The following PARD3 variants were observed in gnomAD, a reference collection of about 807,000 sequenced individuals.
PARD3 encodes par-3 family cell polarity regulator.
Under a neutral mutation model 155.4 loss-of-function variants are expected in PARD3, and 75 were observed. The ratio of observed to expected loss-of-function variants is 0.48; its 90% CI spans 0.40 to 0.58. PARD3 has a LOEUF of 0.58. Ranked by LOEUF, PARD3 falls within the 20% of genes least tolerant of loss-of-function variation. The pLI is 0.00. For synonymous variants in PARD3, 576 were observed against 610.5 expected (o/e 0.94, Z 0.83); for missense variants, 1,642 against 1,721.7 (o/e 0.95, Z 0.82).
chr10:34,141,071 A>G (rs908012725), intron 22 of PARD3, among the ~76,000 whole-genome samples: 7 of 152,222 alleles, frequency 4.6e-5, no homozygotes, highest in African/African-American at 1.7e-4. Context: ...CATTTATGAT[A>G]TTGCACAAAT....
chr10:34,603,312 C>T (rs1289274500), intron 2 of PARD3, among the ~76,000 whole-genome samples: 2 of 152,194 alleles, frequency 1.3e-5, no homozygotes, highest in Non-Finnish European at 2.9e-5. Context: ...CTTAAGAGCT[C>T]ATCTCTGTCC....
chr10:34,787,148 G>A (rs1007774785), intron 1 of PARD3, among the ~76,000 whole-genome samples: 7 of 152,168 alleles, frequency 4.6e-5, no homozygotes, highest in African/African-American at 1.7e-4. Flanking sequence ...TTGGGAGGCC[G>A]AGGCAGGCAG....
At chr10:34,606,483 A>G (rs1197200001) in intron 2 of PARD3, among the ~76,000 whole-genome samples, 1 of 151,892 alleles carries the variant, frequency 6.6e-6, no homozygotes, top group African/African-American at 2.4e-5. Flanking sequence ...GACTTGGAAA[A>G]TAAAGAAGCT....
At chr10:34,275,682 A>G (rs1955842299) in intron 21 of PARD3, among the ~76,000 whole-genome samples, 1 of 152,210 alleles carries the variant, frequency 6.6e-6, no homozygotes, top group African/African-American at 2.4e-5. Flanking sequence ...TTTCAGTAAG[A>G]AAATATTTGG....
chr10:34,236,704 C>T (rs1953255174), intron 22 of PARD3, among the ~76,000 whole-genome samples: 1 of 152,094 alleles, frequency 6.6e-6, no homozygotes, highest in African/African-American at 2.4e-5. Flanking sequence ...ATCTCTTAAA[C>T]CAATGTGAAA....
chr10:34,460,887 T>A (rs1316142869), intron 4 of PARD3, among the ~76,000 whole-genome samples: 1 of 152,112 alleles, frequency 6.6e-6, no homozygotes, highest in Non-Finnish European at 1.5e-5. Flanking sequence ...TACCTACACT[T>A]CTGGTATAGG....
chr10:34,741,696 T>C (rs7905855), intron 1 of PARD3, among the ~76,000 whole-genome samples: 5,591 of 152,276 alleles, frequency 0.037, 361 homozygotes, highest in African/African-American at 0.13. Flanking sequence ...CTGTGATACC[T>C]GCTTCTGTGG....
chr10:34,452,131 A>T (rs2077095926), intron 4 of PARD3, among the ~76,000 whole-genome samples: 1 of 152,134 alleles, frequency 6.6e-6, no homozygotes, highest in Admixed American at 6.6e-5. Flanking sequence ...CAAAAATAAA[A>T]ATTGAGGCTA....
At chr10:34,752,252 T>C (rs978855354) in intron 1 of PARD3, among the ~76,000 whole-genome samples, 23 of 151,240 alleles carry the variant, frequency 1.5e-4, no homozygotes, top group African/African-American at 4.6e-4. Flanking sequence ...AAAATAAGTA[T>C]GTGCATTCTT....
At chr10:34,175,299 C>T (rs1949984669) in intron 22 of PARD3, among the ~76,000 whole-genome samples, 1 of 152,226 alleles carries the variant, frequency 6.6e-6, no homozygotes, top group Admixed American at 6.5e-5. Flanking sequence ...AGTTTTGCAA[C>T]TCATTCAGAA....
At chr10:34,673,673 A>G (rs1413343567) in intron 2 of PARD3, among the ~76,000 whole-genome samples, 1 of 152,344 alleles carries the variant, frequency 6.6e-6, no homozygotes, top group South Asian at 2.1e-4. Context: ...TCAACACAAT[A>G]CAAGTATCCA....
At chr10:34,182,653 G>A (rs1020800542) in intron 22 of PARD3, among the ~76,000 whole-genome samples, 3 of 148,658 alleles carry the variant, frequency 2.0e-5, no homozygotes, top group Non-Finnish European at 4.4e-5. Context: ...AAAAGATCAC[G>A]AACAAATCTT....
At chr10:34,433,579 G>A (rs2076050743) in intron 5 of PARD3, among the ~76,000 whole-genome samples, 1 of 152,120 alleles carries the variant, frequency 6.6e-6, no homozygotes, top group African/African-American at 2.4e-5. Flanking sequence ...CTTAAAATAT[G>A]AGTAATTCAA....
chr10:34,642,294 C>T (rs1375041309), intron 2 of PARD3, among the ~76,000 whole-genome samples: 1 of 152,152 alleles, frequency 6.6e-6, no homozygotes, highest in Non-Finnish European at 1.5e-5. Context: ...CGTCAAAGGG[C>T]CCAGCTGTCA....
intron 22 of PARD3, among the ~76,000 whole-genome samples, chr10:34,169,706 T>C (rs1453206497): frequency 4.6e-5 from 7 of 152,180 alleles, no homozygotes; most frequent in Non-Finnish European, 8.8e-5. Context: ...TGGGATACAG[T>C]TTCAACAACC....
At chr10:34,285,267 T>A (rs1956330729) in intron 20 of PARD3, among the ~76,000 whole-genome samples, 1 of 152,154 alleles carries the variant, frequency 6.6e-6, no homozygotes, top group Non-Finnish European at 1.5e-5. Context: ...CAATTTCATA[T>A]CGAAAAAGAG....
intron 22 of PARD3, among the ~76,000 whole-genome samples, chr10:34,179,168 GCACACA>G (rs72378504): frequency 6.2e-4 from 59 of 94,576 alleles, no homozygotes; most frequent in East Asian, 1.2e-3. Context: ...GTGCGTGCGC[GCACACA>G]CACACACACA....
rs555807983 is a variant in PARD3, at chr10:34,552,317, G to A, written c.223-35158C>T. Among the ~76,000 whole-genome samples, 7 of 152,304 alleles carry A rather than the reference G, an allele frequency of 4.6e-5. No individual in the cohort carries two copies. The East Asian group carries it at 1.4e-3, about 29-fold the overall frequency. The stretch of plus-strand genomic sequence containing the variant: ...TAGAGATGCTATGTCATCCAGGCTG[G>A]AGTTAAACTATGGCCTCAAGTGATC... On this transcript the variant is annotated intron_variant, in intron 2 of 24. Coordinates refer to ENST00000374788, the MANE Select transcript of PARD3 (RefSeq NM_001184785.2).
intron 1 of PARD3, among the ~76,000 whole-genome samples, chr10:34,740,975 T>C (rs2094999485): frequency 1.3e-5 from 2 of 152,108 alleles, no homozygotes; most frequent in Non-Finnish European, 2.9e-5. Flanking sequence ...TTAACAAAAG[T>C]ATAAATGCAA....
Sources: gnomAD v4.1 joint callset for allele counts (sites outside exome capture counted in the v4.1 genomes callset) on GRCh38, gnomAD v4.1.1 for gene constraint, MANE v1.5 for transcripts, NCBI Gene and HGNC (gene_info 2026-07-23, HGNC 2026-07-21) for gene names.